CYBA: variants seen among roughly 807,000 people sequenced by gnomAD.
CYBA encodes the protein cytochrome b-245 light chain.
CYBA carries 21 observed loss-of-function variants against 20.8 expected under a neutral mutation model. The observed-to-expected ratio is 1.01, with a 90% CI of 0.72 to 1.46. CYBA has a LOEUF of 1.46. CYBA is among the 40% of genes most tolerant of loss of function. The probability of loss-of-function intolerance (pLI) is 0.00; values close to 1 mark genes in which losing one functional copy is unlikely to be tolerated. For missense variants in CYBA, 344 were observed against 287.0 expected, an observed-to-expected ratio of 1.20 and a Z score of -1.43; for synonymous variants, 164 against 127.5, an observed-to-expected ratio of 1.29 and a Z score of -1.93.
rs575155889 is a variant in CYBA, at chr16:88,647,641, C to T, written c.128+404G>A. ...GGGGCTGCCCACGCCCTCCCTCCCA[C>T]CACCCTGCCCAGTGCTCCTTGTCGC... On this transcript the variant is annotated intron_variant, in intron 2 of 5. Coordinates refer to ENST00000261623, the MANE Select transcript of CYBA (RefSeq NM_000101.4). 172 of 375,086 alleles carry T rather than the reference C, an allele frequency of 4.6e-4. 1 individual carries two copies. The highest frequency in any genetic ancestry group is 1.9e-4 in the Non-Finnish European group (37 of 195,974). The allele number at this position is 375,086 out of a possible 1,614,324, so 23.2% of individuals were successfully genotyped here. A position where few individuals can be genotyped will look rare whatever the true frequency, so the allele number is the denominator to read the frequency against.
In CYBA at chr16:88,646,913, A is replaced by C. The variant is rs1364941206; in HGVS notation, c.204-75T>G. 1.2e-5 allele frequency: 16 copies of C among 1,299,166 alleles called. 1 individual carries two copies. The allele number at this position is 1,299,166 out of a possible 1,614,324, so 80.5% of individuals were successfully genotyped here. Reference sequence around the variant, plus strand: ...GGACTCCTTTGCTGCCCTGCTGACCACCCCAGGGCACCCAGGCCTCTTTCC... The same window carrying C: ...GGACTCCTTTGCTGCCCTGCTGACCCCCCCAGGGCACCCAGGCCTCTTTCC... On this transcript the variant is annotated intron_variant, in intron 3 of 5. Coordinates refer to ENST00000261623, the MANE Select transcript of CYBA (RefSeq NM_000101.4).
intron 1 of CYBA, chr16:88,650,292 G>A (rs1277263787): frequency 1.6e-5 from 7 of 439,690 alleles, no homozygotes; most frequent in Non-Finnish European, 3.3e-5. Context: ...GGTCCCGAGA[G>A]GGTCCATTTC....
intron 5 of CYBA, 46 bp downstream of exon 5, chr16:88,646,070 C>T (rs760474285): frequency 6.8e-5 from 101 of 1,484,398 alleles, no homozygotes; most frequent in Middle Eastern, 2.3e-4. Flanking sequence ...AGGGCAGGGG[C>T]TGGGGATGGG....
intron 1 of CYBA, among the ~76,000 whole-genome samples, chr16:88,649,083 G>C (rs72558356): frequency 1.3e-5 from 2 of 151,534 alleles, no homozygotes; most frequent in Admixed American, 1.3e-4. Flanking sequence ...GACTATGCGC[G>C]CCTGCCACCA....
chr16:88,646,855 G>A lies in CYBA; in HGVS notation c.204-17C>T, dbSNP rs182948751. On this transcript the variant is annotated splice_polypyrimidine_tract_variant and intron_variant, in intron 3 of 5. Transcript: ENST00000261623. Reference sequence around the variant, plus strand: ...TTCTGTCCCCTGGGGGAGGGAGGAAGGCGAGACGGCGCGGCTGGGCCTCTC... The same window carrying A: ...TTCTGTCCCCTGGGGGAGGGAGGAAAGCGAGACGGCGCGGCTGGGCCTCTC... 57 of 1,601,668 alleles carry A rather than the reference G, an allele frequency of 3.6e-5. No individual in the cohort carries two copies. In the East Asian group the frequency reaches 1.2e-3, roughly 33 times the overall value.
chr16:88,647,797 C>T (rs895844871), intron 2 of CYBA: 3 of 588,146 alleles, frequency 5.1e-6, no homozygotes, highest in South Asian at 1.9e-5. Context: ...CTGGCCCTGG[C>T]CCTCTGGTGA....
At position 88,643,642 on chromosome 16, in the gene CYBA, C is replaced by G; in HGVS notation, c.370-71G>C. 1 of 1,391,432 alleles carries G rather than the reference C, an allele frequency of 7.2e-7. No individual in the cohort carries two copies. Among genetic ancestry groups the G allele is most frequent in the South Asian group, 1.2e-5 (1 of 80,636 alleles). The allele number at this position is 1,391,432 out of a possible 1,614,324, so 86.2% of individuals were successfully genotyped here. Reference sequence around the variant, plus strand: ...CCTCCCTCCCTCCCTCCCCGGAGGCCCACCCCGCTAGGGGCCCTGGGACAG... The same window carrying G: ...CCTCCCTCCCTCCCTCCCCGGAGGCGCACCCCGCTAGGGGCCCTGGGACAG... On this transcript the variant is annotated intron_variant, in intron 5 of 5. Coordinates refer to ENST00000261623, the MANE Select transcript of CYBA (RefSeq NM_000101.4). This position sits in a 1 kb window ranked among gnomAD's most constrained non-coding sequence, Gnocchi z 4.3.
At chr16:88,648,763 G>A (rs1323659121) in intron 1 of CYBA, among the ~76,000 whole-genome samples, 4 of 150,876 alleles carry the variant, frequency 2.7e-5, no homozygotes, top group East Asian at 2.0e-4. Context: ...GACTACAGGC[G>A]CCCGCCACCA....
chr16:88,647,948 G>T, intron 2 of CYBA, 97 bp downstream of exon 2: 2 of 1,195,654 alleles, frequency 1.7e-6, no homozygotes, highest in Non-Finnish European at 2.4e-6. Context: ...GCCTGGCTGC[G>T]GTGGTGGGGA....
rs1907152171 is a variant in CYBA, at chr16:88,643,406, GT to G, written c.534del (p.Pro180ArgfsTer11). 1 of 1,533,918 alleles carries G rather than the reference GT, an allele frequency of 6.5e-7. No homozygotes were observed. The highest frequency in any genetic ancestry group is 1.4e-5 in the African/African-American group (1 of 71,502). Reference protein sequence around the residue: ...SEEEAAVAAGGPPGGPQVNPI... With the variant: ...SEEEAAVAAGXPPGGPQVNPI... ...GGGTTGACCTGGGGACCTCCCGGGG[GT>G]CCCCCCGCCGCCACCGCAGCCTCCT... On this transcript the variant is annotated frameshift_variant, in exon 6 of 6. Transcript: ENST00000261623. LOFTEE classifies it high-confidence loss of function. This position sits in a 1 kb window ranked among gnomAD's most constrained non-coding sequence, Gnocchi z 4.3.
chr16:88,646,045 G>A (rs1043954171), intron 5 of CYBA, 71 bp downstream of exon 5: 70 of 1,297,276 alleles, frequency 5.4e-5, no homozygotes, highest in Middle Eastern at 2.5e-4. Flanking sequence ...AGGGCCATGC[G>A]TGTCCGAGGG....
chr16:88,648,099 C>A lies in CYBA; in HGVS notation c.74G>T (p.Gly25Val), dbSNP rs179363891. The A allele has an allele frequency of 1.9e-6, 3 of 1,612,134 alleles. No individual in the cohort carries two copies. The highest frequency in any genetic ancestry group is 1.1e-5 in the South Asian group (1 of 90,760). ...GAAGCGCCCAGCTGTGGCCACGATG[C>A]CCCCGGTGATGAGGACTGCGGGGAG... ...LASGLILITGGIVATAGRFTQ... is the reference protein window; with the variant it reads ...LASGLILITGVIVATAGRFTQ... Residue 25 changes from glycine to valine, a missense_variant, in exon 2 of 6, where the codon GGC (glycine) becomes GTC (valine). Transcript: ENST00000261623.
chr16:88,645,879 G>C (rs1224772506), intron 5 of CYBA: 1 of 587,058 alleles, frequency 1.7e-6, no homozygotes, highest in East Asian at 2.8e-5. Context: ...TCCCAGGGCT[G>C]TGGTGCGGGT....
intron 1 of CYBA, among the ~76,000 whole-genome samples, chr16:88,649,203 C>T (rs887084935): frequency 1.3e-5 from 2 of 152,204 alleles, no homozygotes; most frequent in African/African-American, 2.4e-5. Context: ...TCCCAAAGTG[C>T]TAGGATTACA....
At chr16:88,647,587 C>T (rs1351796676) in intron 2 of CYBA, 7 of 366,108 alleles carry the variant, frequency 1.9e-5, no homozygotes, top group African/African-American at 1.3e-4. Context: ...AGGAGGCAGC[C>T]ACGGGAGGTT....
rs72547285 is a variant in CYBA at position 88,643,557 on chromosome 16, G to T, written c.384C>A (p.Gly128=). 3.5e-5 allele frequency: 54 copies of T among 1,533,306 alleles called. No homozygotes were observed. The highest frequency in any genetic ancestry group is 1.1e-4 in the African/African-American group (8 of 72,932). The allele number at this position is 1,533,306 out of a possible 1,614,324, so 95.0% of individuals were successfully genotyped here. A position where few individuals can be genotyped will look rare whatever the true frequency, so the allele number is the denominator to read the frequency against. Residue 128 remains glycine (G), a synonymous_variant, in exon 6 of 6, where the codon GGC becomes GGA. Transcript: ENST00000261623. This position sits in a 1 kb window ranked among gnomAD's most constrained non-coding sequence, Gnocchi z 4.3. The part of the protein sequence containing the change: ...SGIYLLAAVR[G]EQWTPIEPKP... ...TGGGCTCGATGGGCGTCCACTGCTC[G>T]CCACGCACAGCCGCCTGCGGGGCAC... is the stretch of plus-strand genomic sequence containing the variant.
intron 1 of CYBA, chr16:88,650,525 G>T (rs1907476770): frequency 2.1e-6 from 1 of 476,724 alleles, no homozygotes; most frequent in East Asian, 6.3e-5. Flanking sequence ...CCCACCCCAA[G>T]CCCAGGGAGA....
intron 3 of CYBA, 55 bp from the exon 4 acceptor site, chr16:88,646,893 C>G (rs1907307997): frequency 6.9e-7 from 1 of 1,453,968 alleles, no homozygotes; most frequent in African/African-American, 1.4e-5. Context: ...ACTCGGGACT[C>G]CTTTGCTGCC....
intron 3 of CYBA, 29 bp from the exon 4 acceptor site, chr16:88,646,867 C>A (rs370696420): frequency 1.3e-6 from 2 of 1,576,890 alleles, no homozygotes; most frequent in African/African-American, 2.7e-5. Context: ...CGAGACGGCG[C>A]GGCTGGGCCT....
Sources: gnomAD v4.1 joint callset for allele counts (sites outside exome capture counted in the v4.1 genomes callset) on GRCh38, gnomAD v4.1.1 for gene constraint, Gnocchi (gnomAD v3.1) non-coding constraint, MANE v1.5 for transcripts, NCBI Gene and HGNC (gene_info 2026-07-23, HGNC 2026-07-21) for gene names.